The following CACHD1 variants were observed in gnomAD, a reference collection of about 807,000 sequenced individuals.
CACHD1 encodes the protein cache domain containing 1.
In CACHD1, 71 loss-of-function variants were observed where a neutral mutation model predicts 138.7. The observed-to-expected ratio is 0.51, with a 90% CI of 0.42 to 0.62. The LOEUF (loss-of-function observed/expected upper bound fraction) is 0.62. CACHD1 is among the 20% of genes least tolerant of loss of function. CACHD1 has a pLI of 0.00. For missense variants in CACHD1, 1,389 were observed against 1,625.3 expected (o/e 0.85, Z 2.50); for synonymous variants, 578 against 591.5 (o/e 0.98, Z 0.33).
chr1:64,505,225 G>T (rs1366362372), intron 1 of CACHD1, among the ~76,000 whole-genome samples: 2 of 152,138 alleles, frequency 1.3e-5, no homozygotes, highest in Non-Finnish European at 2.9e-5. Flanking sequence ...CATCCCCAGT[G>T]CAGATGGAAA....
Position 64,658,888 on chromosome 1 carries a change from C to T in CACHD1, c.1951+15C>T. ...GGCAACCCTAGGTAAAGCCCTTACA[C>T]TTCCTTCACATTCTTACTCTTAGCA... On this transcript the variant is annotated intron_variant, in intron 13 of 26. Coordinates refer to ENST00000651257, the MANE Select transcript of CACHD1 (RefSeq NM_020925.4). The T allele has an allele frequency of 6.5e-7, 1 of 1,537,174 alleles. No individual in the cohort carries two copies.
At chr1:64,555,872 C>A (rs954991412) in intron 2 of CACHD1, among the ~76,000 whole-genome samples, 10 of 152,178 alleles carry the variant, frequency 6.6e-5, no homozygotes, top group Non-Finnish European at 1.5e-5. Context: ...TCTGTACTTT[C>A]TTCATTTGTT....
intron 7 of CACHD1, 78 bp downstream of exon 7, chr1:64,634,338 CAAT>C (rs1421417124): frequency 1.1e-6 from 1 of 885,748 alleles, no homozygotes; most frequent in South Asian, 1.6e-5. Context: ...ATTGATCACA[CAAT>C]GATGTTTAGA....
chr1:64,654,273 C>T lies in CACHD1; in HGVS notation c.1664+392C>T, dbSNP rs983342435. On this transcript the variant is annotated intron_variant, in intron 11 of 26. Transcript: ENST00000651257. The stretch of plus-strand genomic sequence containing the variant: ...GCCAAAAAATAGCCTGGCAAAGTAG[C>T]GTCCATTCCAAGTTGACAGCACAAT... Among the ~76,000 whole-genome samples, 7 of 152,186 alleles carry T rather than the reference C, an allele frequency of 4.6e-5. 1 individual carries two copies. Among genetic ancestry groups the T allele is most frequent in the Admixed American group, 1.3e-4 (2 of 15,270 alleles).
At chr1:64,472,189 TCGTCG>T (rs1261052327) in intron 1 of CACHD1, among the ~76,000 whole-genome samples, 1 of 50,378 alleles carries the variant, frequency 2.0e-5, no homozygotes, top group African/African-American at 5.9e-5. Flanking sequence ...TCTTTCTTCT[TCGTCG>T]CGTCGTCCTC....
chr1:64,521,886 T>G (rs1352966108), intron 1 of CACHD1, among the ~76,000 whole-genome samples: 2 of 152,248 alleles, frequency 1.3e-5, no homozygotes, highest in Non-Finnish European at 2.9e-5. Context: ...AGATATATGA[T>G]TTGCAAATAT....
chr1:64,506,075 A>C (rs1646373949), intron 1 of CACHD1: 1 of 151,964 alleles, frequency 6.6e-6, no homozygotes, highest in South Asian at 2.1e-4. Flanking sequence ...CCCACGCAAA[A>C]TCCGATGGTG....
chr1:64,630,875 C>T (rs908826854), intron 5 of CACHD1, among the ~76,000 whole-genome samples: 1 of 152,198 alleles, frequency 6.6e-6, no homozygotes, highest in African/African-American at 2.4e-5. Context: ...CATGTATCTC[C>T]ACCCTAAATC....
chr1:64,681,966 G>C, intron 25 of CACHD1, 39 bp from the exon 26 acceptor site: 1 of 1,540,352 alleles, frequency 6.5e-7, no homozygotes, highest in South Asian at 1.1e-5. Context: ...TGGAGATACT[G>C]GCATAAGAGT....
intron 7 of CACHD1, among the ~76,000 whole-genome samples, chr1:64,640,813 C>T (rs1441452196): frequency 6.6e-6 from 1 of 151,632 alleles, no homozygotes; most frequent in Non-Finnish European, 1.5e-5. Context: ...AAAAGTCCAG[C>T]TCTCTGACTT....
intron 3 of CACHD1, among the ~76,000 whole-genome samples, chr1:64,590,260 T>G (rs542393390): frequency 6.7e-6 from 1 of 149,700 alleles, no homozygotes; most frequent in East Asian, 2.0e-4. Context: ...AGGCAGAGCT[T>G]GCAGTGAGCC....
intron 1 of CACHD1, among the ~76,000 whole-genome samples, chr1:64,541,444 G>A (rs1305278721): frequency 6.6e-6 from 1 of 152,124 alleles, no homozygotes; most frequent in Non-Finnish European, 1.5e-5. Context: ...TACTTTGATT[G>A]TAGCATAGAC....
chr1:64,579,392 G>A (rs1006597709), intron 2 of CACHD1, among the ~76,000 whole-genome samples: 12 of 152,234 alleles, frequency 7.9e-5, no homozygotes, highest in African/African-American at 2.2e-4. Flanking sequence ...AATTAAGAGT[G>A]TGTGTGTGAG....
chr1:64,572,774 C>A (rs1646936460), intron 2 of CACHD1, among the ~76,000 whole-genome samples: 1 of 152,118 alleles, frequency 6.6e-6, no homozygotes, highest in South Asian at 2.1e-4. Flanking sequence ...GCCCAGACAG[C>A]CTTGCACATA....
intron 2 of CACHD1, among the ~76,000 whole-genome samples, chr1:64,578,913 CAG>C: frequency 6.6e-6 from 1 of 152,266 alleles, no homozygotes; most frequent in South Asian, 2.1e-4. Context: ...GCAGTGGGGA[CAG>C]GGGGACATGT....
chr1:64,634,753 G>A (rs1246771176), intron 7 of CACHD1, among the ~76,000 whole-genome samples: 2 of 152,090 alleles, frequency 1.3e-5, no homozygotes, highest in Non-Finnish European at 2.9e-5. Flanking sequence ...CCAGCACTTT[G>A]GGAGGTCAAG....
intron 1 of CACHD1, among the ~76,000 whole-genome samples, chr1:64,522,392 C>T (rs1646504825): frequency 6.6e-6 from 1 of 152,042 alleles, no homozygotes; most frequent in Admixed American, 6.6e-5. Context: ...ACTGCAACCT[C>T]TGCCTCCTGG....
chr1:64,590,135 G>A (rs114799873), intron 3 of CACHD1, among the ~76,000 whole-genome samples: 1,946 of 151,982 alleles, frequency 0.013, 40 homozygotes, highest in African/African-American at 0.045. Flanking sequence ...GTAAAAACCC[G>A]TCTCTACTAA....
chr1:64,572,787 T>A (rs1005493171), intron 2 of CACHD1, among the ~76,000 whole-genome samples: 3 of 152,040 alleles, frequency 2.0e-5, no homozygotes, highest in Non-Finnish European at 4.4e-5. Flanking sequence ...TGCACATAAA[T>A]CTTTCTGGTC....
Sources: gnomAD v4.1 joint callset for allele counts (sites outside exome capture counted in the v4.1 genomes callset) on GRCh38, gnomAD v4.1.1 for gene constraint, MANE v1.5 for transcripts, NCBI Gene and HGNC (gene_info 2026-07-23, HGNC 2026-07-21) for gene names.